Variants in SRRM3 observed in about 807,000 individuals in gnomAD.
SRRM3 encodes the protein serine/arginine repetitive matrix 3, also known as serine/arginine repetitive matrix protein 3.
A neutral mutation model predicts 66.2 loss-of-function variants in SRRM3; 27 were observed. That is an observed-to-expected ratio of 0.41 (90% CI 0.30 to 0.56). The LOEUF (loss-of-function observed/expected upper bound fraction) is 0.56. Among genes scored for constraint, SRRM3 ranks in the 20% least tolerant of loss-of-function variants. SRRM3 has a pLI of 0.32. For missense variants in SRRM3, 918 were observed against 991.9 expected (o/e 0.93, Z 1.00); for synonymous variants, 391 against 414.9 (o/e 0.94, Z 0.70).
At chr7:76,223,810 C>T (rs1236088827) in intron 1 of SRRM3, among the ~76,000 whole-genome samples, 1 of 149,564 alleles carries the variant, frequency 6.7e-6, no homozygotes. Flanking sequence ...TTAACATGCC[C>T]TTGGCTTTTG....
At chr7:76,237,833 C>A (rs374524573) in intron 2 of SRRM3, among the ~76,000 whole-genome samples, 142 of 151,828 alleles carry the variant, frequency 9.4e-4, no homozygotes, top group African/African-American at 3.2e-3. Flanking sequence ...CCCTCCCCCT[C>A]AAAGACCTTC....
intron 1 of SRRM3, among the ~76,000 whole-genome samples, chr7:76,232,207 A>C (rs1451294706): frequency 6.6e-6 from 1 of 152,120 alleles, no homozygotes; most frequent in African/African-American, 2.4e-5. Context: ...GGGGAGCCAG[A>C]CCTTTGAACC....
rs1583946138 is a variant in SRRM3 at position 76,281,940 on chromosome 7, A to C, written c.1370+138A>C. ...GATCCCAACCCCCTCCCACCGAGCT[A>C]CCCCCATGGATTCCACCCCCCCATG... On this transcript the variant is annotated intron_variant, in intron 12 of 14. Transcript: ENST00000611745. 1.3e-5 allele frequency: 6 copies of C among 456,022 alleles called. No individual in the cohort carries two copies. The Admixed American group carries it at 4.0e-4, about 30-fold the overall frequency. 28.2% of individuals were successfully genotyped at this position (456,022 alleles called of 1,614,324 possible). A position where few individuals can be genotyped will look rare whatever the true frequency, so the allele number is the denominator to read the frequency against.
At chr7:76,267,129 A>C in intron 10 of SRRM3, 129 bp from the exon 11 acceptor site, 1 of 866,378 alleles carries the variant, frequency 1.2e-6, no homozygotes, top group Non-Finnish European at 1.6e-6. Flanking sequence ...GGTTCCCAGC[A>C]TGGTGAAAAG....
chr7:76,260,266 T>A, intron 5 of SRRM3, 69 bp downstream of exon 5: 1 of 1,241,586 alleles, frequency 8.1e-7, no homozygotes, highest in Non-Finnish European at 1.1e-6. Flanking sequence ...TGCCCGTCCC[T>A]GGCTCACAAC....
intron 11 of SRRM3, chr7:76,268,052 T>A (rs60203812): frequency 0.11 from 15,924 of 150,732 alleles, 1,057 homozygotes; most frequent in East Asian, 0.24. Context: ...ACACTTGGAC[T>A]GGTGTCTCAA....
rs1202606056 is a variant in SRRM3 at position 76,285,780 on chromosome 7, C to T, written c.1899C>T (p.Ser633=). The T allele has an allele frequency of 3.2e-6, 5 of 1,550,780 alleles. No individual in the cohort carries two copies. Among genetic ancestry groups the T allele is most frequent in the Non-Finnish European group, 3.5e-6 (4 of 1,147,152 alleles). ...ATGGGACCCGCAGCCGGACACGCAG[C>T]CCCTCGAGGACCCCCAGTCCCAGCT... ...RSHGTRSRTR[S]PSRTPSPSYH... is the part of the protein sequence containing the mutation. Residue 633 remains serine (S), a synonymous_variant, in exon 15 of 15, where the codon AGC becomes AGT. Coordinates refer to ENST00000611745, the MANE Select transcript of SRRM3 (RefSeq NM_001110199.3). This position sits in a 1 kb window ranked among gnomAD's most constrained non-coding sequence, Gnocchi z 4.1.
intron 1 of SRRM3, among the ~76,000 whole-genome samples, chr7:76,214,418 T>A (rs1208012868): frequency 6.6e-6 from 1 of 152,216 alleles, no homozygotes; most frequent in Non-Finnish European, 1.5e-5. Flanking sequence ...AGCTGCTTAA[T>A]TAACTATTTA....
intron 2 of SRRM3, among the ~76,000 whole-genome samples, chr7:76,242,768 C>T (rs564560376): frequency 8.5e-5 from 13 of 152,240 alleles, no homozygotes; most frequent in African/African-American, 1.4e-4. Flanking sequence ...CCCTCGCATG[C>T]GCAGTTCACA....
intron 3 of SRRM3, among the ~76,000 whole-genome samples, chr7:76,257,024 T>C (rs1450843569): frequency 6.6e-6 from 1 of 152,186 alleles, no homozygotes; most frequent in Non-Finnish European, 1.5e-5. Context: ...CTGGCTTCTT[T>C]ACTGCAACCT....
intron 3 of SRRM3, among the ~76,000 whole-genome samples, chr7:76,255,472 C>T (rs1319658112): frequency 6.6e-6 from 1 of 151,276 alleles, no homozygotes; most frequent in Non-Finnish European, 1.5e-5. Context: ...GATGGGGTCT[C>T]GCTGTGTCAC....
At position 76,281,701 on chromosome 7, in the gene SRRM3, C is replaced by A. The variant is rs1231561790; in HGVS notation, c.1269C>A (p.Leu423=). The part of the protein sequence containing the change: ...PAPPRGSSRS[L]SRARSSSDSG... ...CCCCCCGGGGCTCGTCGCGCTCGCT[C>A]AGCAGGGCCCGCTCCAGCAGCGACT... The change falls in exon 12 of 15, where the codon CTC becomes CTA. Residue 423 remains leucine, a synonymous_variant. Coordinates refer to ENST00000611745, the MANE Select transcript of SRRM3 (RefSeq NM_001110199.3). 2.6e-6 allele frequency: 3 copies of A among 1,132,496 alleles called. No individual in the cohort carries two copies. Among genetic ancestry groups the A allele is most frequent in the East Asian group, 1.1e-4 (2 of 18,986 alleles). 70.2% of individuals were successfully genotyped at this position (1,132,496 alleles called of 1,614,324 possible). A position where few individuals can be genotyped will look rare whatever the true frequency, so the allele number is the denominator to read the frequency against.
intron 1 of SRRM3, among the ~76,000 whole-genome samples, chr7:76,228,106 G>A (rs1258069905): frequency 6.6e-6 from 1 of 152,070 alleles, no homozygotes; most frequent in Non-Finnish European, 1.5e-5. Flanking sequence ...CTGACCTCAA[G>A]TGATCCACCC....
chr7:76,246,218 T>G (rs549230519), intron 2 of SRRM3, among the ~76,000 whole-genome samples: 50 of 152,294 alleles, frequency 3.3e-4, no homozygotes, highest in African/African-American at 7.2e-4. Flanking sequence ...TCTGACAATC[T>G]TGAAAGGCAG....
intron 1 of SRRM3, among the ~76,000 whole-genome samples, chr7:76,208,562 C>T (rs1016349609): frequency 2.7e-5 from 4 of 150,808 alleles, no homozygotes; most frequent in Non-Finnish European, 5.9e-5. Flanking sequence ...AAGCCAGGCA[C>T]GGTGGCTCAC....
intron 1 of SRRM3, among the ~76,000 whole-genome samples, chr7:76,215,840 C>T (rs1800555491): frequency 6.7e-6 from 1 of 148,504 alleles, no homozygotes; most frequent in Non-Finnish European, 1.5e-5. Flanking sequence ...CTCTGTCGCC[C>T]AGGCTGGAGT....
In SRRM3 at chr7:76,282,966, A is replaced by G. The variant is rs1802566245; in HGVS notation, c.1598A>G (p.Asp533Gly). The G allele has an allele frequency of 1.4e-6, 2 of 1,382,322 alleles. No homozygotes were observed. The highest frequency in any genetic ancestry group is 1.6e-5 in the South Asian group (1 of 62,958). The allele number at this position is 1,382,322 out of a possible 1,614,324, so 85.6% of individuals were successfully genotyped here. The stretch of plus-strand genomic sequence containing the variant: ...CTTACCTCGCGCCGGCCCCGCAGGG[A>G]CAAGGACGGCGAGGGCCGCGCAAGG... ...SPSPKKPLSR[D>G]KDGEGRARHS... The change falls in exon 14 of 15, where the codon GAC becomes GGC. Residue 533 changes from aspartate (D) to glycine (G), a missense_variant and splice_region_variant. Physicochemically the swap from Asp to Gly is moderately conservative, Grantham distance 94. Transcript: ENST00000611745.
chr7:76,209,469 T>C (rs1380400618), intron 1 of SRRM3, among the ~76,000 whole-genome samples: 1 of 152,132 alleles, frequency 6.6e-6, no homozygotes, highest in Non-Finnish European at 1.5e-5. Flanking sequence ...GAGAGCATCA[T>C]GGGCAATGGC....
At chr7:76,230,277 T>G (rs1800981449) in intron 1 of SRRM3, among the ~76,000 whole-genome samples, 1 of 152,140 alleles carries the variant, frequency 6.6e-6, no homozygotes, top group African/African-American at 2.4e-5. Context: ...ACCAGCTCCT[T>G]TTGAGTATAG....
Sources: allele counts gnomAD v4.1 joint callset (sites outside exome capture counted in the v4.1 genomes callset), GRCh38; gene constraint gnomAD v4.1.1; non-coding constraint Gnocchi (gnomAD v3.1); transcripts MANE v1.5; gene names NCBI Gene and HGNC (gene_info 2026-07-23, HGNC 2026-07-21).